The following ME3 variants were observed in gnomAD, a reference collection of about 807,000 sequenced individuals.
The protein encoded by ME3 is NADP-dependent malic enzyme, mitochondrial.
In ME3, 48 loss-of-function variants were observed where a neutral mutation model predicts 68.9. The observed-to-expected ratio is 0.70, with a 90% CI of 0.55 to 0.89. The LOEUF is 0.89. Among genes scored for constraint, ME3 ranks in the 40% least tolerant of loss-of-function variants. The pLI is 0.00. For synonymous variants in ME3, 320 were observed against 318.8 expected (o/e 1.00, Z -0.04); for missense variants, 675 against 797.4 (o/e 0.85, Z 1.85).
Position 86,521,399 on chromosome 11 carries a change from ACAAACAAACAAAACAAAACAAAAC to A in ME3, c.468-12556_468-12533del, listed in dbSNP as rs1463023091. On this transcript the variant is annotated intron_variant, in intron 4 of 14. Coordinates refer to ENST00000543262, the Ensembl canonical transcript of ME3. ...GACAGAGCGAGACTCCATCTCAAAAACAAACAAACAAAACAAAACAAAACAAAACAAAAATAATAATAATAATAA... is the reference window on the plus strand; with the variant it reads ...GACAGAGCGAGACTCCATCTCAAAAAAAAACAAAAATAATAATAATAATAA... 3.4e-3 allele frequency among the ~76,000 whole-genome samples: 489 copies of A among 143,274 alleles called. 3 individuals are homozygous for A. The highest frequency in any genetic ancestry group is 0.012 in the African/African-American group (442 of 36,474). The allele number at this position is 143,274 out of a possible 152,430, so 94.0% of individuals were successfully genotyped here.
chr11:86,440,571 T>C (rs1948937363), downstream of ME3, among the ~76,000 whole-genome samples: 2 of 152,016 alleles, frequency 1.3e-5, no homozygotes, highest in Admixed American at 6.6e-5. Flanking sequence ...CACCCACATT[T>C]CTCTGGTTTT....
intron 4 of ME3, among the ~76,000 whole-genome samples, chr11:86,550,224 CATA>C (rs886835592): frequency 6.6e-6 from 1 of 152,110 alleles, no homozygotes; most frequent in Non-Finnish European, 1.5e-5. Context: ...GGTTTGGCTG[CATA>C]ATATTACCAT....
chr11:86,532,428 G>A (rs2139282331), intron 4 of ME3, among the ~76,000 whole-genome samples: 1 of 152,266 alleles, frequency 6.6e-6, no homozygotes, highest in South Asian at 2.1e-4. Flanking sequence ...CTTCTCCAAT[G>A]CATACAGAAC....
intron 4 of ME3, among the ~76,000 whole-genome samples, chr11:86,516,848 T>TTC (rs1201941766): frequency 6.6e-6 from 1 of 152,112 alleles, no homozygotes; most frequent in African/African-American, 2.4e-5. Flanking sequence ...AGACCACAGG[T>TTC]TCTCTCTTAG....
chr11:86,491,427 T>A (rs929455070), intron 6 of ME3, among the ~76,000 whole-genome samples: 1 of 152,182 alleles, frequency 6.6e-6, no homozygotes, highest in Non-Finnish European at 1.5e-5. Context: ...GACTCTTGAC[T>A]TGCAGACCGG....
At chr11:86,502,172 A>G (rs1315129294) in intron 5 of ME3, among the ~76,000 whole-genome samples, 1 of 152,112 alleles carries the variant, frequency 6.6e-6, no homozygotes, top group Middle Eastern at 3.2e-3. Context: ...TTTACTTCTC[A>G]ATTTCTTTAT....
intron 2 of ME3, among the ~76,000 whole-genome samples, chr11:86,608,476 A>G (rs947850275): frequency 4.6e-5 from 7 of 152,306 alleles, no homozygotes; most frequent in South Asian, 2.1e-4. Flanking sequence ...TGCACTCTCA[A>G]TAGTGGATAG....
chr11:86,507,301 TC>T (rs1259615461), intron 5 of ME3, among the ~76,000 whole-genome samples: 1 of 152,178 alleles, frequency 6.6e-6, no homozygotes, highest in Non-Finnish European at 1.5e-5. Flanking sequence ...TCTGGATCAG[TC>T]TTTCTAACTA....
At chr11:86,490,907 A>T (rs993767379) in intron 6 of ME3, among the ~76,000 whole-genome samples, 3 of 152,132 alleles carry the variant, frequency 2.0e-5, no homozygotes, top group African/African-American at 7.2e-5. Flanking sequence ...GCACTAAGGG[A>T]TTTTTAGATT....
intron 2 of ME3, among the ~76,000 whole-genome samples, chr11:86,653,534 T>G (rs1174002077): frequency 6.6e-6 from 1 of 152,174 alleles, no homozygotes. Context: ...ATAAAGATGT[T>G]CTTTGAAACC....
intron 7 of ME3, among the ~76,000 whole-genome samples, chr11:86,466,011 AT>A (rs1950461291): frequency 6.6e-6 from 1 of 152,176 alleles, no homozygotes. Context: ...AAGATGCTTG[AT>A]ATGCCTTATT....
intron 2 of ME3, among the ~76,000 whole-genome samples, chr11:86,614,356 C>T (rs1942806102): frequency 6.6e-6 from 1 of 152,176 alleles, no homozygotes; most frequent in Non-Finnish European, 1.5e-5. Context: ...ATTATAAACT[C>T]ATTTCAGCCA....
At chr11:86,482,062 C>G (rs1392996431) in intron 7 of ME3, among the ~76,000 whole-genome samples, 1 of 152,182 alleles carries the variant, frequency 6.6e-6, no homozygotes, top group Non-Finnish European at 1.5e-5. Flanking sequence ...TGCAGTTATC[C>G]ATAGGACACA....
intron 2 of ME3, among the ~76,000 whole-genome samples, chr11:86,637,297 T>G (rs1182239691): frequency 2.1e-5 from 3 of 144,242 alleles, no homozygotes; most frequent in Non-Finnish European, 4.5e-5. Flanking sequence ...CCTTGGGAGA[T>G]CCTATTATAG....
At chr11:86,467,662 TTCTCTC>T (rs57747402) in intron 7 of ME3, among the ~76,000 whole-genome samples, 8,765 of 144,284 alleles carry the variant, frequency 0.061, 439 homozygotes, top group African/African-American at 0.14. Flanking sequence ...CTCTCTCTGT[TTCTCTC>T]TCTCTCTCTC....
intron 2 of ME3, among the ~76,000 whole-genome samples, chr11:86,651,324 C>A (rs530110193): frequency 2.6e-5 from 4 of 152,340 alleles, no homozygotes; most frequent in African/African-American, 4.8e-5. Flanking sequence ...CCCTGAGTAG[C>A]CTAACTGGGA....
At chr11:86,606,742 G>A (rs574183108) in intron 2 of ME3, among the ~76,000 whole-genome samples, 1 of 152,298 alleles carries the variant, frequency 6.6e-6, no homozygotes, top group South Asian at 2.1e-4. Context: ...TTCAGTGGAG[G>A]GATGTGGTGT....
chr11:86,451,728 C>T (rs748374842), intron 8 of ME3, among the ~76,000 whole-genome samples: 2 of 152,322 alleles, frequency 1.3e-5, no homozygotes, highest in South Asian at 2.1e-4. Flanking sequence ...TTTCTTTCCT[C>T]GTCTGTAATG....
intron 2 of ME3, among the ~76,000 whole-genome samples, chr11:86,598,847 G>C (rs1353135328): frequency 6.6e-6 from 1 of 152,176 alleles, no homozygotes; most frequent in Non-Finnish European, 1.5e-5. Context: ...ACAGGGTCTG[G>C]AGTGGACCTC....
Sources: allele counts gnomAD v4.1 joint callset (sites outside exome capture counted in the v4.1 genomes callset), GRCh38; gene constraint gnomAD v4.1.1; transcripts MANE v1.5; gene names NCBI Gene and HGNC (gene_info 2026-07-23, HGNC 2026-07-21).